Variants in EDF1 observed in about 807,000 individuals in gnomAD.
EDF1 encodes endothelial differentiation-related factor 1.
In EDF1, 5 loss-of-function variants were observed where a neutral mutation model predicts 20.8. The ratio of observed to expected loss-of-function variants is 0.24; its 90% CI spans 0.13 to 0.51. EDF1 has a LOEUF of 0.51. Among genes scored for constraint, EDF1 ranks in the 20% least tolerant of loss-of-function variants. The probability of loss-of-function intolerance (pLI) is 0.97; values close to 1 mark genes in which losing one functional copy is unlikely to be tolerated. For missense variants in EDF1, 137 were observed against 197.8 expected, an observed-to-expected ratio of 0.69 and a Z score of 1.84; for synonymous variants, 96 against 78.5, an observed-to-expected ratio of 1.22 and a Z score of -1.18.
intron 1 of EDF1, among the ~76,000 whole-genome samples, chr9:136,864,307 T>TA (rs1849172412): frequency 1.3e-5 from 2 of 151,280 alleles, no homozygotes; most frequent in African/African-American, 4.9e-5. Flanking sequence ...GAGGTCTTGC[T>TA]ATGTTGCCCA....
intron 1 of EDF1, among the ~76,000 whole-genome samples, chr9:136,865,632 C>G (rs771844743): frequency 6.6e-6 from 1 of 150,528 alleles, no homozygotes; most frequent in Non-Finnish European, 1.5e-5. Context: ...CCACCCCTGT[C>G]CTAAGCCCTG....
Position 136,862,760 on chromosome 9 carries a change from A to G in EDF1, c.385+146T>C. 2 of 1,591,370 alleles carry G rather than the reference A, an allele frequency of 1.3e-6. No individual in the cohort carries two copies. Among genetic ancestry groups the G allele is most frequent in the East Asian group, 2.2e-5 (1 of 44,750 alleles). ...ACCCCACCATCCCTCAGTCTGTACT[A>G]CCTGGAGAAGCAAAGCTCCAGAATT... On this transcript the variant is annotated intron_variant, in intron 4 of 4. Transcript: ENST00000224073. The surrounding 1 kb of genome is among the most constrained non-coding windows in gnomAD (Gnocchi z 4.1).
chr9:136,865,406 C>A (rs1849195739), intron 1 of EDF1, among the ~76,000 whole-genome samples: 1 of 151,936 alleles, frequency 6.6e-6, no homozygotes, highest in African/African-American at 2.4e-5. Context: ...AGTATCTGAC[C>A]AGCGGAGACC....
intron 1 of EDF1, among the ~76,000 whole-genome samples, 171 bp downstream of exon 1, chr9:136,866,010 C>T (rs2131252101): frequency 8.0e-6 from 1 of 125,522 alleles, no homozygotes; most frequent in East Asian, 2.7e-4. Flanking sequence ...CCCTGCGATT[C>T]GCCCCGCCCT....
In EDF1 at chr9:136,862,552, T is replaced by A. The variant is rs2131245523; in HGVS notation, c.386-207A>T. On this transcript the variant is annotated intron_variant, in intron 4 of 4. Transcript: ENST00000224073. This position sits in a 1 kb window ranked among gnomAD's most constrained non-coding sequence, Gnocchi z 4.1. The stretch of plus-strand genomic sequence containing the variant: ...TTAGACAGCAGAGCATGAACACCCC[T>A]CTCCGGAAGAACCGGAGCCGGGGTC... 1.3e-6 allele frequency: 2 copies of A among 1,593,612 alleles called. No individual in the cohort carries two copies. The highest frequency in any genetic ancestry group is 1.7e-6 in the Non-Finnish European group (2 of 1,175,152).
Position 136,863,231 on chromosome 9 carries a change from G to C in EDF1, c.291+57C>G. The stretch of plus-strand genomic sequence containing the variant: ...CCCTCCCCGTGCTATCTGAACACCG[G>C]CCATCCCCCTCCCCAAACCCACAAC... On this transcript the variant is annotated intron_variant, in intron 3 of 4. Coordinates refer to ENST00000224073, the MANE Select transcript of EDF1 (RefSeq NM_003792.4). The surrounding 1 kb of genome is among the most constrained non-coding windows in gnomAD (Gnocchi z 4.5). 1 of 1,581,392 alleles carries C rather than the reference G, an allele frequency of 6.3e-7. No individual in the cohort carries two copies. Among genetic ancestry groups the C allele is most frequent in the South Asian group, 1.1e-5 (1 of 88,588 alleles).
rs878863577 is a variant in EDF1 at position 136,862,194 on chromosome 9, C to T, written c.*90G>A. On this transcript the variant is annotated 3_prime_UTR_variant, in exon 5 of 5. Coordinates refer to ENST00000224073, the MANE Select transcript of EDF1 (RefSeq NM_003792.4). The surrounding 1 kb of genome is among the most constrained non-coding windows in gnomAD (Gnocchi z 4.1). ...CCCCCGCAAGCTGGACCCCTTGTTCCGTTCGGCCCGTGAGGAGAACGGAAC... is the reference window on the plus strand; with the variant it reads ...CCCCCGCAAGCTGGACCCCTTGTTCTGTTCGGCCCGTGAGGAGAACGGAAC... The T allele has an allele frequency of 3.4e-5, 53 of 1,548,482 alleles. No individual in the cohort carries two copies. Among genetic ancestry groups the T allele is most frequent in the South Asian group, 1.7e-4 (15 of 89,502 alleles).
chr9:136,862,831 A>T lies in EDF1; in HGVS notation c.385+75T>A. On this transcript the variant is annotated intron_variant, in intron 4 of 4. Transcript: ENST00000224073. This position sits in a 1 kb window ranked among gnomAD's most constrained non-coding sequence, Gnocchi z 4.1. ...GGGCCATCTTCTTCCCCCGAGTCCC[A>T]CTCTCACCAACCCCAGCTGGGAGCG... 6 of 1,611,228 alleles carry T rather than the reference A, an allele frequency of 3.7e-6. No homozygotes were observed. The highest frequency in any genetic ancestry group is 4.2e-6 in the Non-Finnish European group (5 of 1,179,790).
chr9:136,863,193 G>A lies in EDF1; in HGVS notation c.291+95C>T. 10 of 1,545,608 alleles carry A rather than the reference G, an allele frequency of 6.5e-6. No homozygotes were observed. The highest frequency in any genetic ancestry group is 7.9e-6 in the Non-Finnish European group (9 of 1,144,152). The stretch of plus-strand genomic sequence containing the variant: ...AGGCATTCCCTGCAGGGGAACCAGG[G>A]GGGTGGAGCCCACCCTCCCCGTGCT... On this transcript the variant is annotated intron_variant, in intron 3 of 4. Coordinates refer to ENST00000224073, the MANE Select transcript of EDF1 (RefSeq NM_003792.4). The surrounding 1 kb of genome is among the most constrained non-coding windows in gnomAD (Gnocchi z 4.5).
rs1045107003 is a variant in EDF1 at position 136,863,138 on chromosome 9, C to T, written c.292-139G>A. The T allele has an allele frequency of 6.6e-7, 1 of 1,505,530 alleles. No homozygotes were observed. Among genetic ancestry groups the T allele is most frequent in the Non-Finnish European group, 9.0e-7 (1 of 1,105,576 alleles). The allele number at this position is 1,505,530 out of a possible 1,614,324, so 93.3% of individuals were successfully genotyped here. A position where few individuals can be genotyped will look rare whatever the true frequency, so the allele number is the denominator to read the frequency against. On this transcript the variant is annotated intron_variant, in intron 3 of 4. Transcript: ENST00000224073. This position sits in a 1 kb window ranked among gnomAD's most constrained non-coding sequence, Gnocchi z 4.5. Reference sequence around the variant, plus strand: ...ACGCAGCTGGGTTTTGTGCGAGAGGCAGTGAGAGCCGGGCTGACCTGGCTT... The same window carrying T: ...ACGCAGCTGGGTTTTGTGCGAGAGGTAGTGAGAGCCGGGCTGACCTGGCTT...
Position 136,863,141 on chromosome 9 carries a change from T to C in EDF1, c.292-142A>G. On this transcript the variant is annotated intron_variant, in intron 3 of 4. Coordinates refer to ENST00000224073, the MANE Select transcript of EDF1 (RefSeq NM_003792.4). This position sits in a 1 kb window ranked among gnomAD's most constrained non-coding sequence, Gnocchi z 4.5. ...CAGCTGGGTTTTGTGCGAGAGGCAG[T>C]GAGAGCCGGGCTGACCTGGCTTCCC... The C allele has an allele frequency of 6.6e-7, 1 of 1,511,578 alleles. No homozygotes were observed. The highest frequency in any genetic ancestry group is 9.0e-7 in the Non-Finnish European group (1 of 1,111,312). The allele number at this position is 1,511,578 out of a possible 1,614,324, so 93.6% of individuals were successfully genotyped here.
chr9:136,863,110 C>T lies in EDF1; in HGVS notation c.292-111G>A, dbSNP rs1849140949. 6.5e-7 allele frequency: 1 copy of T among 1,532,610 alleles called. No individual in the cohort carries two copies. The highest frequency in any genetic ancestry group is 8.9e-7 in the Non-Finnish European group (1 of 1,118,802). The allele number at this position is 1,532,610 out of a possible 1,614,324, so 94.9% of individuals were successfully genotyped here. On this transcript the variant is annotated intron_variant, in intron 3 of 4. Transcript: ENST00000224073. The surrounding 1 kb of genome is among the most constrained non-coding windows in gnomAD (Gnocchi z 4.5). ...TTCTAGGGCCCCTGGGGTACGCACC[C>T]ACACGCAGCTGGGTTTTGTGCGAGA...
At position 136,863,879 on chromosome 9, in the gene EDF1, A is replaced by G. The variant is rs1849162634; in HGVS notation, c.79-8T>C. Reference sequence around the variant, plus strand: ...CTGTGCCGCTAAGATAGCCTAGAAAATTAGAAAACATCAGTGGATCAAAAT... The same window carrying G: ...CTGTGCCGCTAAGATAGCCTAGAAAGTTAGAAAACATCAGTGGATCAAAAT... On this transcript the variant is annotated splice_region_variant and splice_polypyrimidine_tract_variant and intron_variant, in intron 1 of 4. Transcript: ENST00000224073. The surrounding 1 kb of genome is among the most constrained non-coding windows in gnomAD (Gnocchi z 4.5). 6.2e-7 allele frequency: 1 copy of G among 1,613,682 alleles called. No homozygotes were observed.
rs888669183 is a variant in EDF1, at chr9:136,863,568, A to G, written c.131-120T>C. 5 of 1,331,984 alleles carry G rather than the reference A, an allele frequency of 3.8e-6. No homozygotes were observed. The African/African-American group carries it at 7.4e-5, about 20-fold the overall frequency. 82.5% of individuals were successfully genotyped at this position (1,331,984 alleles called of 1,614,324 possible). On this transcript the variant is annotated intron_variant, in intron 2 of 4. Transcript: ENST00000224073. The surrounding 1 kb of genome is among the most constrained non-coding windows in gnomAD (Gnocchi z 4.5). ...TGAACTCAAGGGGACATGGGAACCCAGGCTGTCCCAAGTTCACACACCTCA... is the reference window on the plus strand; with the variant it reads ...TGAACTCAAGGGGACATGGGAACCCGGGCTGTCCCAAGTTCACACACCTCA...
rs1333251163 is a variant in EDF1 at position 136,862,568 on chromosome 9, A to AG, written c.386-224dup. On this transcript the variant is annotated intron_variant, in intron 4 of 4. Coordinates refer to ENST00000224073, the MANE Select transcript of EDF1 (RefSeq NM_003792.4). The surrounding 1 kb of genome is among the most constrained non-coding windows in gnomAD (Gnocchi z 4.1). ...GAACACCCCTCTCCGGAAGAACCGG[A>AG]GCCGGGGTCCTCTGTGGAACTGGCT... The AG allele has an allele frequency of 6.4e-7, 1 of 1,573,918 alleles. No homozygotes were observed. The highest frequency in any genetic ancestry group is 2.3e-5 in the East Asian group (1 of 43,730).
chr9:136,865,792 C>A (rs574826659), intron 1 of EDF1, among the ~76,000 whole-genome samples: 1 of 147,538 alleles, frequency 6.8e-6, no homozygotes, highest in Non-Finnish European at 1.5e-5. Flanking sequence ...CCTCTGTCCT[C>A]ACACCTGTCC....
At chr9:136,865,761 C>T (rs1849207937) in intron 1 of EDF1, among the ~76,000 whole-genome samples, 2 of 151,348 alleles carry the variant, frequency 1.3e-5, no homozygotes, top group African/African-American at 4.9e-5. Context: ...GCCTTGTCCC[C>T]GTCCCCGTCC....
chr9:136,863,521 T>G lies in EDF1; in HGVS notation c.131-73A>C, dbSNP rs1849153308. 2.6e-6 allele frequency: 4 copies of G among 1,533,074 alleles called. No individual in the cohort carries two copies. Among genetic ancestry groups the G allele is most frequent in the Non-Finnish European group, 3.5e-6 (4 of 1,135,868 alleles). The allele number at this position is 1,533,074 out of a possible 1,614,324, so 95.0% of individuals were successfully genotyped here. On this transcript the variant is annotated intron_variant, in intron 2 of 4. Transcript: ENST00000224073. This position sits in a 1 kb window ranked among gnomAD's most constrained non-coding sequence, Gnocchi z 4.5. Reference sequence around the variant, plus strand: ...CTGAAGAAAAACCATTTCAAAGCGGTAACCAGACCCCAGAGGCTGCCTGAA... The same window carrying G: ...CTGAAGAAAAACCATTTCAAAGCGGGAACCAGACCCCAGAGGCTGCCTGAA...
At chr9:136,865,483 C>A (rs1327651866) in intron 1 of EDF1, among the ~76,000 whole-genome samples, 1 of 151,976 alleles carries the variant, frequency 6.6e-6, no homozygotes, top group Non-Finnish European at 1.5e-5. Flanking sequence ...CTGTCCCCAG[C>A]TCCCACTCAG....
Sources: allele counts gnomAD v4.1 joint callset (sites outside exome capture counted in the v4.1 genomes callset), GRCh38; gene constraint gnomAD v4.1.1; non-coding constraint Gnocchi (gnomAD v3.1); transcripts MANE v1.5; gene names NCBI Gene and HGNC (gene_info 2026-07-23, HGNC 2026-07-21).